SPEN: variants seen among roughly 807,000 people sequenced by gnomAD.
SPEN encodes msx2-interacting protein.
A neutral mutation model predicts 269.9 loss-of-function variants in SPEN; 18 were observed. The ratio of observed to expected loss-of-function variants is 0.07; its 90% confidence interval spans 0.05 to 0.10. SPEN has a LOEUF of 0.10. SPEN is among the 10% of genes least tolerant of loss of function. The probability of loss-of-function intolerance (pLI) is 1.00; values close to 1 mark genes in which losing one functional copy is unlikely to be tolerated. For synonymous variants in SPEN, 1,726 were observed against 1,765.7 expected, an observed-to-expected ratio of 0.98 and a Z score of 0.56; for missense variants, 3,822 against 4,631.2, an observed-to-expected ratio of 0.83 and a Z score of 5.07.
rs1003191799 is a variant in SPEN at position 15,917,011 on chromosome 1, C to G, written c.1395+732C>G. 2.6e-5 allele frequency among the ~76,000 whole-genome samples: 4 copies of G among 152,194 alleles called. No individual in the cohort carries two copies. In the South Asian group the frequency reaches 8.3e-4, roughly 32 times the overall value. On this transcript the variant is annotated intron_variant, in intron 6 of 14. Transcript: ENST00000375759. ...GCGTTGGTGGCTTGCTCCAGTAGTC[C>G]CAGCTACTCAGGCGGCTGAGGCTGG...
intron 5 of SPEN, among the ~76,000 whole-genome samples, chr1:15,915,238 C>T (rs566005935): frequency 6.6e-6 from 1 of 152,174 alleles, no homozygotes; most frequent in South Asian, 2.1e-4. Flanking sequence ...AGGCCAAGTG[C>T]AGTGGCTCAC....
Position 15,931,295 on chromosome 1 carries a change from T to G in SPEN, c.5055T>G (p.Pro1685=), listed in dbSNP as rs1248625318. ...CTACCGTCTCAGAAGAAGCAAAGCC[T>G]GCATCTGAACCTGCTCCTGCCCCTG... is the stretch of plus-strand genomic sequence containing the variant. ...EPATVSEEAK[P]ASEPAPAPVE... Residue 1685 remains proline, a synonymous_variant, in exon 11 of 15, where the codon CCT becomes CCG. Coordinates refer to ENST00000375759, the MANE Select transcript of SPEN (RefSeq NM_015001.3). The surrounding 1 kb of genome is among the most constrained non-coding windows in gnomAD (Gnocchi z 4.8). The G allele has an allele frequency of 6.2e-7, 1 of 1,614,144 alleles. No individual in the cohort carries two copies. The highest frequency in any genetic ancestry group is 1.7e-5 in the Admixed American group (1 of 60,014).
intron 3 of SPEN, among the ~76,000 whole-genome samples, chr1:15,906,374 G>A (rs576543153): frequency 6.7e-6 from 1 of 149,524 alleles, no homozygotes; most frequent in Non-Finnish European, 1.5e-5. Flanking sequence ...ACTGACAGAG[G>A]TTTATTTTCC....
At chr1:15,851,850 G>A (rs1439839652) in intron 1 of SPEN, among the ~76,000 whole-genome samples, 1 of 152,160 alleles carries the variant, frequency 6.6e-6, no homozygotes, top group Non-Finnish European at 1.5e-5. Context: ...AGGTGTGGTG[G>A]TGTGCATCTG....
chr1:15,893,057 C>T (rs1440224703), intron 3 of SPEN, among the ~76,000 whole-genome samples: 2 of 152,132 alleles, frequency 1.3e-5, no homozygotes, highest in Non-Finnish European at 2.9e-5. Context: ...GAGATTGCGC[C>T]ATTGCACTCC....
intron 1 of SPEN, among the ~76,000 whole-genome samples, chr1:15,864,607 G>GTT (rs34116041): frequency 3.1e-4 from 26 of 82,612 alleles, no homozygotes; most frequent in Non-Finnish European, 4.4e-4. Flanking sequence ...AGGTTTGTGG[G>GTT]TTTTTTTTTT....
intron 1 of SPEN, among the ~76,000 whole-genome samples, chr1:15,871,421 A>G (rs1055663463): frequency 4.5e-4 from 69 of 152,122 alleles, no homozygotes; most frequent in Admixed American, 5.2e-4. Flanking sequence ...GCACACTGCA[A>G]TCTCCACCTC....
chr1:15,871,827 G>A (rs1292049594), intron 1 of SPEN, among the ~76,000 whole-genome samples: 1 of 152,082 alleles, frequency 6.6e-6, no homozygotes, highest in Non-Finnish European at 1.5e-5. Context: ...CTGTAAAATA[G>A]CTATGTATAG....
chr1:15,886,743 A>G (rs1164387881), intron 3 of SPEN, among the ~76,000 whole-genome samples: 3 of 152,134 alleles, frequency 2.0e-5, no homozygotes, highest in Admixed American at 1.3e-4. Context: ...ACATCACAAC[A>G]TGGTCAGCAT....
At chr1:15,873,639 C>G in intron 2 of SPEN, 1 of 994,978 alleles carries the variant, frequency 1.0e-6, no homozygotes, top group Non-Finnish European at 1.2e-6. Flanking sequence ...ATGATTCAAC[C>G]ACTTGGATTC....
chr1:15,937,980 C>T lies in SPEN; in HGVS notation c.10678C>T (p.Leu3560=), dbSNP rs1439721779. ...GAGGATGCGGCTGGAGGCAACGCAG[C>T]TGGAAGGGGTTGCCCGAAGGATGAC... ...AQRMRLEATQ[L]EGVARRMTVE... Residue 3560 remains leucine, a synonymous_variant, in exon 13 of 15, where the codon CTG becomes TTG. Transcript: ENST00000375759. This position sits in a 1 kb window ranked among gnomAD's most constrained non-coding sequence, Gnocchi z 5.7. 1.2e-6 allele frequency: 2 copies of T among 1,611,226 alleles called. No individual in the cohort carries two copies. Among genetic ancestry groups the T allele is most frequent in the East Asian group, 2.2e-5 (1 of 44,878 alleles).
intron 1 of SPEN, among the ~76,000 whole-genome samples, chr1:15,866,632 C>T (rs991289297): frequency 1.3e-5 from 2 of 152,104 alleles, no homozygotes; most frequent in African/African-American, 2.4e-5. Context: ...GGATTACAGG[C>T]GTGAGCCACC....
rs1443382767 is a variant in SPEN, at chr1:15,937,028, T to G, written c.10027-135T>G. The G allele has an allele frequency of 3.0e-6, 4 of 1,312,972 alleles. No individual in the cohort carries two copies. Among genetic ancestry groups the G allele is most frequent in the Non-Finnish European group, 4.2e-6 (4 of 957,786 alleles). The allele number at this position is 1,312,972 out of a possible 1,614,324, so 81.3% of individuals were successfully genotyped here. A position where few individuals can be genotyped will look rare whatever the true frequency, so the allele number is the denominator to read the frequency against. On this transcript the variant is annotated intron_variant, in intron 11 of 14. Transcript: ENST00000375759. This position sits in a 1 kb window ranked among gnomAD's most constrained non-coding sequence, Gnocchi z 5.7. ...CGAAAGCAGCTCCGTTGATTCAGGC[T>G]CCTTCTGTGGGCCTGACTTAACGGG...
chr1:15,873,146 A>G lies in SPEN; in HGVS notation c.404+10A>G. ...AGCGGAGACTTGATGGGTAAGTTCC[A>G]AGGTTTCTGTAGGCAGGTATTTTGT... On this transcript the variant is annotated intron_variant, in intron 2 of 14. Coordinates refer to ENST00000375759, the MANE Select transcript of SPEN (RefSeq NM_015001.3). 6.3e-7 allele frequency: 1 copy of G among 1,591,870 alleles called. No homozygotes were observed. Among genetic ancestry groups the G allele is most frequent in the Non-Finnish European group, 8.6e-7 (1 of 1,164,812 alleles).
intron 3 of SPEN, among the ~76,000 whole-genome samples, chr1:15,899,646 A>C (rs1399253183): frequency 6.7e-6 from 1 of 149,274 alleles, no homozygotes; most frequent in Non-Finnish European, 1.5e-5. Context: ...AGTGTCAACT[A>C]CAAGTATGAG....
intron 1 of SPEN, among the ~76,000 whole-genome samples, chr1:15,854,134 T>G (rs2070363145): frequency 6.6e-6 from 1 of 152,122 alleles, no homozygotes; most frequent in East Asian, 1.9e-4. Context: ...TTTTTAGTGT[T>G]AGTTTGAGCT....
rs754839088 is a variant in SPEN at position 15,937,763 on chromosome 1, C to T, written c.10510-49C>T. The T allele has an allele frequency of 3.7e-6, 6 of 1,611,356 alleles. No homozygotes were observed. Among genetic ancestry groups the T allele is most frequent in the African/African-American group, 1.3e-5 (1 of 74,682 alleles). On this transcript the variant is annotated intron_variant, in intron 12 of 14. Coordinates refer to ENST00000375759, the MANE Select transcript of SPEN (RefSeq NM_015001.3). This position sits in a 1 kb window ranked among gnomAD's most constrained non-coding sequence, Gnocchi z 5.7. ...CAGCCTCTGGCTGTGTCCAGCATGGCTCAGCGAGGGGCCATGAGCTCACTT... is the reference window on the plus strand; with the variant it reads ...CAGCCTCTGGCTGTGTCCAGCATGGTTCAGCGAGGGGCCATGAGCTCACTT...
At position 15,848,926 on chromosome 1, in the gene SPEN, C is replaced by T. The variant is rs1406217284; in HGVS notation, c.83+776C>T. 6.6e-6 allele frequency among the ~76,000 whole-genome samples: 1 copy of T among 152,074 alleles called. No individual in the cohort carries two copies. The highest frequency in any genetic ancestry group is 6.6e-5 in the Admixed American group (1 of 15,266). On this transcript the variant is annotated intron_variant, in intron 1 of 14. Coordinates refer to ENST00000375759, the MANE Select transcript of SPEN (RefSeq NM_015001.3). This position sits in a 1 kb window ranked among gnomAD's most constrained non-coding sequence, Gnocchi z 5.1. Reference sequence around the variant, plus strand: ...GCCCTAAGACCCTGGTGCCCCCCACCCCTGAATTCCCGAATCAAACGGTAA... The same window carrying T: ...GCCCTAAGACCCTGGTGCCCCCCACTCCTGAATTCCCGAATCAAACGGTAA...
At chr1:15,858,795 A>AAACCCGGGCACGATGGCGC (rs2070411679) in intron 1 of SPEN, among the ~76,000 whole-genome samples, 1 of 152,014 alleles carries the variant, frequency 6.6e-6, no homozygotes, top group Non-Finnish European at 1.5e-5. Flanking sequence ...CAAACAAAAA[A>AAACCCGGGCACGATGGCGC]AACCCGGGCA....
Sources: allele counts gnomAD v4.1 joint callset (sites outside exome capture counted in the v4.1 genomes callset), GRCh38; gene constraint gnomAD v4.1.1; non-coding constraint Gnocchi (gnomAD v3.1); transcripts MANE v1.5; gene names NCBI Gene and HGNC (gene_info 2026-07-23, HGNC 2026-07-21).